The following PAPLN variants were observed in gnomAD, a reference collection of about 807,000 sequenced individuals.
PAPLN encodes the protein papilin.
A neutral mutation model predicts 159.0 loss-of-function variants in PAPLN; 146 were observed. The observed-to-expected ratio is 0.92, with a 90% CI of 0.80 to 1.05. The LOEUF (loss-of-function observed/expected upper bound fraction) is 1.05, where lower values mean the gene tolerates loss of function less well. Ranked by LOEUF, PAPLN falls within the 50% of genes least tolerant of loss-of-function variation. PAPLN has a pLI of 0.00. For missense variants in PAPLN, 1,720 were observed against 1,743.9 expected, an observed-to-expected ratio of 0.99 and a Z score of 0.24; for synonymous variants, 734 against 702.9, an observed-to-expected ratio of 1.04 and a Z score of -0.70.
chr14:73,255,166 C>A (rs949080134), intron 14 of PAPLN, 148 bp downstream of exon 14: 10 of 1,216,138 alleles, frequency 8.2e-6, no homozygotes, highest in Non-Finnish European at 1.0e-5. Context: ...CCCGCTGAAC[C>A]CTTTGCCATC....
chr14:73,242,780 C>T (rs1009997840), intron 2 of PAPLN: 1 of 152,222 alleles, frequency 6.6e-6, no homozygotes, highest in African/African-American at 2.4e-5. Flanking sequence ...GCTAAGACCT[C>T]TCATCTGGCA....
At chr14:73,240,104 G>C (rs1334987368) in intron 2 of PAPLN, among the ~76,000 whole-genome samples, 1 of 152,198 alleles carries the variant, frequency 6.6e-6, no homozygotes, top group Admixed American at 6.5e-5. Flanking sequence ...GGTGGTGGGA[G>C]CACTCCATGA....
upstream of PAPLN, among the ~76,000 whole-genome samples, chr14:73,237,198 A>AG (rs147704984): frequency 4.2e-3 from 644 of 152,284 alleles, 2 homozygotes; most frequent in African/African-American, 0.015. Flanking sequence ...TGTTGTGTGT[A>AG]GGATAGGCAT....
chr14:73,269,845 C>T (rs968556663), intron 26 of PAPLN, among the ~76,000 whole-genome samples: 2 of 148,382 alleles, frequency 1.3e-5, no homozygotes, highest in African/African-American at 5.1e-5. Flanking sequence ...GCCAGGAGCA[C>T]GGTTACACTC....
chr14:73,262,696 TGGG>T lies in PAPLN; in HGVS notation c.2593_2595del (p.Gly865del). On this transcript the variant is annotated inframe_deletion, in exon 19 of 27. Transcript: ENST00000644200. ...GTCTCTGGCGGCAAGACCAACAGCC[TGGG>T]CCAGGGGAGGCCCCCCACACCCAGG... 1 of 1,512,184 alleles carries T rather than the reference TGGG, an allele frequency of 6.6e-7. No individual in the cohort carries two copies. The highest frequency in any genetic ancestry group is 1.4e-5 in the South Asian group (1 of 73,574). 93.7% of individuals were successfully genotyped at this position (1,512,184 alleles called of 1,614,324 possible). A position where few individuals can be genotyped will look rare whatever the true frequency, so the allele number is the denominator to read the frequency against.
rs144333860 is a variant in PAPLN at position 73,253,942 on chromosome 14, G to A, written c.1283G>A (p.Ser428Asn). 404 of 1,611,840 alleles carry A rather than the reference G, an allele frequency of 2.5e-4. 1 individual carries two copies. The African/African-American group carries it at 4.6e-3, about 18-fold the overall frequency. The stretch of plus-strand genomic sequence containing the variant: ...AACCTGCAGCGCTGTGCAGCCTGGA[G>A]CCCGGAGCCCTGGGGAGAGGTCAGG... ...ACNLQRCAAW[S>N]PEPWGECSVS... The change falls in exon 12 of 27, where the codon AGC becomes AAC. Residue 428 changes from serine to asparagine, a missense_variant. By Grantham distance (46) the Ser-to-Asn change is conservative. Transcript: ENST00000644200.
chr14:73,241,670 C>T (rs1317534126), intron 2 of PAPLN, among the ~76,000 whole-genome samples: 1 of 152,244 alleles, frequency 6.6e-6, no homozygotes, highest in African/African-American at 2.4e-5. Context: ...TGTGGCCCCG[C>T]TCACAGCTCC....
intron 14 of PAPLN, 141 bp downstream of exon 14, chr14:73,255,159 G>T: frequency 7.9e-7 from 1 of 1,258,592 alleles, no homozygotes; most frequent in South Asian, 1.5e-5. Context: ...GTCTCCCCCC[G>T]CTGAACCCTT....
chr14:73,243,660 T>C (rs1315028635), intron 2 of PAPLN: 2 of 152,242 alleles, frequency 1.3e-5, no homozygotes, highest in African/African-American at 2.4e-5. Flanking sequence ...AATGAGATAA[T>C]GTGTGTGTGG....
chr14:73,267,004 AGG>A (rs1228235018), intron 25 of PAPLN, among the ~76,000 whole-genome samples, 173 bp downstream of exon 25: 3 of 152,184 alleles, frequency 2.0e-5, no homozygotes, highest in African/African-American at 7.2e-5. Flanking sequence ...AAAGCTCTGT[AGG>A]GCCACTGGCT....
At chr14:73,236,456 G>A (rs1195390523), upstream of PAPLN, among the ~76,000 whole-genome samples, 1 of 152,140 alleles carries the variant, frequency 6.6e-6, no homozygotes. Context: ...GGCAGGCCAC[G>A]GTGGGAAGAT....
chr14:73,262,281 T>C (rs1886668190), intron 18 of PAPLN, 69 bp from the exon 19 acceptor site: 1 of 1,442,646 alleles, frequency 6.9e-7, no homozygotes, highest in African/African-American at 1.4e-5. Context: ...AGTCGGAGGC[T>C]GAGAGGATGG....
Position 73,245,709 on chromosome 14 carries a change from G to T in PAPLN, c.231+13G>T. On this transcript the variant is annotated intron_variant, in intron 4 of 26. Transcript: ENST00000644200. This position sits in a 1 kb window ranked among gnomAD's most constrained non-coding sequence, Gnocchi z 4.2. ...TTGTCGCACGGAGGTAAAGCTCACGGGGCGCGGGCGAAGGCACCAGCTTCC... is the reference window on the plus strand; with the variant it reads ...TTGTCGCACGGAGGTAAAGCTCACGTGGCGCGGGCGAAGGCACCAGCTTCC... The T allele has an allele frequency of 6.5e-7, 1 of 1,541,826 alleles. No individual in the cohort carries two copies. The highest frequency in any genetic ancestry group is 2.4e-5 in the East Asian group (1 of 41,218).
Position 73,245,374 on chromosome 14 carries a change from A to T in PAPLN, c.171-262A>T, listed in dbSNP as rs17781866. ...CATGCACCTCGGGTCTTCTCTGGGAATCTGCCTAAGATGCAGTGGAGTGGT... is the reference window on the plus strand; with the variant it reads ...CATGCACCTCGGGTCTTCTCTGGGATTCTGCCTAAGATGCAGTGGAGTGGT... On this transcript the variant is annotated intron_variant, in intron 3 of 26. Coordinates refer to ENST00000644200, the MANE Select transcript of PAPLN (RefSeq NM_001365906.3). The surrounding 1 kb of genome is among the most constrained non-coding windows in gnomAD (Gnocchi z 4.2). 2,284 of 510,014 alleles carry T rather than the reference A, an allele frequency of 4.5e-3. 11 individuals carry two copies. The highest frequency in any genetic ancestry group is 6.2e-3 in the Non-Finnish European group (1,751 of 283,658). The allele number at this position is 510,014 out of a possible 1,614,324, so 31.6% of individuals were successfully genotyped here.
In PAPLN at chr14:73,248,515, AAATT is replaced by A. The variant is rs1365211140; in HGVS notation, c.335-1466_335-1463del. 2.6e-5 allele frequency among the ~76,000 whole-genome samples: 4 copies of A among 152,310 alleles called. No individual in the cohort carries two copies. The East Asian group carries it at 7.7e-4, about 29-fold the overall frequency. ...TGTGTATATATTTAGATAAATATAA[AAATT>A]AAGGTAGGGTACAGTGGCTCATGCC... On this transcript the variant is annotated intron_variant, in intron 5 of 26. Transcript: ENST00000644200.
chr14:73,240,434 A>T (rs1224982110), intron 2 of PAPLN, among the ~76,000 whole-genome samples: 1 of 152,056 alleles, frequency 6.6e-6, no homozygotes, highest in Non-Finnish European at 1.5e-5. Flanking sequence ...ATTTATTTTT[A>T]AAATTTTTAA....
intron 6 of PAPLN, 42 bp from the exon 7 acceptor site, chr14:73,250,865 C>T: frequency 1.3e-6 from 2 of 1,567,834 alleles, no homozygotes; most frequent in Non-Finnish European, 1.7e-6. Flanking sequence ...CCTGATGTGG[C>T]CATGATGCCG....
In PAPLN at chr14:73,250,049, G is replaced by A; in HGVS notation, c.400G>A (p.Ala134Thr). The change falls in exon 6 of 27, where the codon GCT becomes ACT. Residue 134 changes from alanine to threonine, a missense_variant. Coordinates refer to ENST00000644200, the MANE Select transcript of PAPLN (RefSeq NM_001365906.3). ...GAACTTCTACTACAAGCACAGGGAG[G>A]CTGTGGTTGATGGGACGCCCTGCGA... ...GENFYYKHREAVVDGTPCEPG... is the reference protein window; with the variant it reads ...GENFYYKHRETVVDGTPCEPG... The A allele has an allele frequency of 1.9e-6, 3 of 1,613,458 alleles. No homozygotes were observed. Among genetic ancestry groups the A allele is most frequent in the Non-Finnish European group, 2.5e-6 (3 of 1,179,728 alleles).
intron 5 of PAPLN, among the ~76,000 whole-genome samples, chr14:73,247,663 C>CGT (rs148614929): frequency 1.3e-3 from 58 of 44,494 alleles, no homozygotes; most frequent in East Asian, 2.7e-3. Context: ...TGTGTGTGTG[C>CGT]GTGTGTGTGT....
Sources: gnomAD v4.1 joint callset for allele counts (sites outside exome capture counted in the v4.1 genomes callset) on GRCh38, gnomAD v4.1.1 for gene constraint, Gnocchi (gnomAD v3.1) non-coding constraint, MANE v1.5 for transcripts, NCBI Gene and HGNC (gene_info 2026-07-23, HGNC 2026-07-21) for gene names.